The following UGT1A8 variants were observed in gnomAD, a reference collection of about 807,000 sequenced individuals.
The protein encoded by UGT1A8 is UDP-glucuronosyltransferase 1A8.
A neutral mutation model predicts 45.3 loss-of-function variants in UGT1A8; 39 were observed. The observed-to-expected ratio is 0.86, with a 90% CI of 0.67 to 1.12. The LOEUF (loss-of-function observed/expected upper bound fraction) is 1.12, where lower values mean the gene tolerates loss of function less well. Ranked by LOEUF, UGT1A8 falls within the 50% of genes most tolerant of loss-of-function variation. UGT1A8 has a pLI of 0.00. For missense variants in UGT1A8, 719 were observed against 664.9 expected (o/e 1.08, Z -0.90); for synonymous variants, 275 against 249.2 (o/e 1.10, Z -0.97).
In UGT1A8 at chr2:233,618,580, T is replaced by C. The variant is rs766091675; in HGVS notation, c.855+18T>C. 6.2e-7 allele frequency: 1 copy of C among 1,601,744 alleles called. No homozygotes were observed. Among genetic ancestry groups the C allele is most frequent in the South Asian group, 1.1e-5 (1 of 89,606 alleles). ...TGCCTATGGTAAGTCACCTCTCCTT[T>C]AGCACATTAGGAATAATCTGGCTTT... On this transcript the variant is annotated intron_variant, in intron 1 of 4. Transcript: ENST00000373450.
At chr2:233,680,327 G>A (rs1310899130) in intron 1 of UGT1A8, among the ~76,000 whole-genome samples, 2 of 152,146 alleles carry the variant, frequency 1.3e-5, no homozygotes, top group East Asian at 1.9e-4. Flanking sequence ...GAGAAGAAAC[G>A]CGCAGAGGGT....
intron 1 of UGT1A8, among the ~76,000 whole-genome samples, chr2:233,741,186 G>A (rs901469782): frequency 6.6e-6 from 1 of 151,878 alleles, no homozygotes; most frequent in African/African-American, 2.4e-5. Flanking sequence ...ACTTGTGTTT[G>A]CTTTCAACTG....
At chr2:233,672,329 A>C (rs1483594052) in intron 1 of UGT1A8, 1 of 1,614,146 alleles carries the variant, frequency 6.2e-7, no homozygotes, top group Non-Finnish European at 8.5e-7. Flanking sequence ...AAAGACAAAA[A>C]ATTAGTAGAA....
chr2:233,702,878 T>C (rs2075711688), intron 1 of UGT1A8, among the ~76,000 whole-genome samples: 1 of 152,206 alleles, frequency 6.6e-6, no homozygotes, highest in South Asian at 2.1e-4. Flanking sequence ...TATTGAGGAC[T>C]TTTGCATCAT....
At position 233,679,741 on chromosome 2, in the gene UGT1A8, A is replaced by C. The variant is rs1037953567; in HGVS notation, c.855+61179A>C. On this transcript the variant is annotated intron_variant, in intron 1 of 4. Coordinates refer to ENST00000373450, the MANE Select transcript of UGT1A8 (RefSeq NM_019076.5). ...TTTTAAAGCCAAACCTCTTTGTAAA[A>C]CTAGCAAACCATCCTTTGTTGCCAT... is the stretch of plus-strand genomic sequence containing the variant. 2.0e-5 allele frequency among the ~76,000 whole-genome samples: 3 copies of C among 152,000 alleles called. No homozygotes were observed. In the East Asian group the frequency reaches 5.8e-4, roughly 29 times the overall value.
intron 1 of UGT1A8, among the ~76,000 whole-genome samples, chr2:233,764,785 C>T (rs567027233): frequency 9.9e-5 from 15 of 152,240 alleles, no homozygotes; most frequent in African/African-American, 3.4e-4. Flanking sequence ...GAAAAACCAT[C>T]CTCAGGGTGT....
chr2:233,766,561 C>T (rs1699182212), intron 1 of UGT1A8, among the ~76,000 whole-genome samples: 1 of 152,200 alleles, frequency 6.6e-6, no homozygotes, highest in Non-Finnish European at 1.5e-5. Context: ...CACCTAGGTC[C>T]ATGGGCACAG....
chr2:233,695,075 C>T (rs888068416), intron 1 of UGT1A8, among the ~76,000 whole-genome samples: 1 of 151,850 alleles, frequency 6.6e-6, no homozygotes, highest in Non-Finnish European at 1.5e-5. Flanking sequence ...GCACTTTGGA[C>T]TTACTCATTC....
intron 1 of UGT1A8, chr2:233,672,755 G>T (rs1373777219): frequency 1.9e-6 from 3 of 1,613,770 alleles, no homozygotes; most frequent in Non-Finnish European, 8.5e-7. Context: ...TTCATTGGTG[G>T]TATCAACTGC....
intron 1 of UGT1A8, chr2:233,743,526 C>T (rs1373846752): frequency 7.3e-7 from 1 of 1,367,230 alleles, no homozygotes; most frequent in Admixed American, 1.9e-5. Flanking sequence ...TTCTGCTTCC[C>T]CAGCAGTTCC....
chr2:233,685,677 T>C (rs757751672), intron 1 of UGT1A8, among the ~76,000 whole-genome samples: 3 of 152,234 alleles, frequency 2.0e-5, no homozygotes, highest in Non-Finnish European at 2.9e-5. Context: ...TGTGTACCCA[T>C]ATAGCCATTC....
intron 1 of UGT1A8, among the ~76,000 whole-genome samples, chr2:233,709,149 T>G (rs2076060708): frequency 6.6e-6 from 1 of 152,102 alleles, no homozygotes; most frequent in Non-Finnish European, 1.5e-5. Flanking sequence ...ACGTGCTGAT[T>G]GGTTGAGGCC....
chr2:233,755,278 G>T, intron 1 of UGT1A8: 4 of 710,378 alleles, frequency 5.6e-6, no homozygotes, highest in Non-Finnish European at 8.6e-6. Flanking sequence ...ATGCTGGACT[G>T]CCAAAGAGCC....
chr2:233,658,911 T>G (rs2073909938), intron 1 of UGT1A8, among the ~76,000 whole-genome samples: 1 of 152,204 alleles, frequency 6.6e-6, no homozygotes, highest in Non-Finnish European at 1.5e-5. Context: ...TTCAAAGTTG[T>G]TTTTGCTATT....
At chr2:233,708,554 C>T (rs1000244993) in intron 1 of UGT1A8, 1 of 152,110 alleles carries the variant, frequency 6.6e-6, no homozygotes, top group Non-Finnish European at 1.5e-5. Flanking sequence ...GAGTTTGAGA[C>T]CAGCCTAGGC....
intron 1 of UGT1A8, chr2:233,693,165 A>G: frequency 2.5e-6 from 4 of 1,614,194 alleles, no homozygotes; most frequent in Non-Finnish European, 3.4e-6. Context: ...GACCGGGGTC[A>G]TGAGATTGTA....
At chr2:233,751,042 C>T (rs1694623923) in intron 1 of UGT1A8, among the ~76,000 whole-genome samples, 1 of 151,808 alleles carries the variant, frequency 6.6e-6, no homozygotes, top group South Asian at 2.1e-4. Flanking sequence ...CACTGTGTGC[C>T]TGGAAAAGAC....
At position 233,713,774 on chromosome 2, in the gene UGT1A8, T is replaced by C. The variant is rs17862869; in HGVS notation, c.856-53260T>C. 0.09 allele frequency: 142,447 copies of C among 1,583,730 alleles called. 8,619 individuals carry two copies. The highest frequency in any genetic ancestry group is 0.18 in the South Asian group (15,805 of 87,196). Reference sequence around the variant, plus strand: ...CTGTGTGGCTGTTCCGAGGGGACTTTGTGATGGATTACCCCAGGCCGATCA... The same window carrying C: ...CTGTGTGGCTGTTCCGAGGGGACTTCGTGATGGATTACCCCAGGCCGATCA... On this transcript the variant is annotated intron_variant, in intron 1 of 4. Coordinates refer to ENST00000373450, the MANE Select transcript of UGT1A8 (RefSeq NM_019076.5).
intron 1 of UGT1A8, among the ~76,000 whole-genome samples, chr2:233,659,739 G>A (rs181243173): frequency 6.6e-6 from 1 of 152,308 alleles, no homozygotes; most frequent in African/African-American, 2.4e-5. Flanking sequence ...GCTTGATATA[G>A]TATGAATTCT....
Sources: allele counts gnomAD v4.1 joint callset (sites outside exome capture counted in the v4.1 genomes callset), GRCh38; gene constraint gnomAD v4.1.1; transcripts MANE v1.5; gene names NCBI Gene and HGNC (gene_info 2026-07-23, HGNC 2026-07-21).